MTFR1: variants seen among roughly 807,000 people sequenced by gnomAD.
The protein encoded by MTFR1 is chondrocyte protein with a poly-proline region.
In MTFR1, 28 loss-of-function variants were observed where a neutral mutation model predicts 38.8. That is an observed-to-expected ratio of 0.72 (90% CI 0.53 to 0.99). The LOEUF is 0.99. MTFR1 is among the 50% of genes least tolerant of loss of function. The probability of loss-of-function intolerance (pLI) is 0.00; values close to 1 mark genes in which losing one functional copy is unlikely to be tolerated. For missense variants in MTFR1, 358 were observed against 395.5 expected (o/e 0.91, Z 0.81); for synonymous variants, 145 against 137.0 (o/e 1.06, Z -0.41).
chr8:65,746,807 G>C (rs1807696318), intron 3 of MTFR1, among the ~76,000 whole-genome samples: 1 of 152,096 alleles, frequency 6.6e-6, no homozygotes, highest in South Asian at 2.1e-4. Context: ...GCTTTCCACT[G>C]ATTTCTTTTA....
chr8:65,660,316 A>AAC (rs1809377056), intron 1 of MTFR1, among the ~76,000 whole-genome samples: 1 of 151,368 alleles, frequency 6.6e-6, no homozygotes, highest in East Asian at 1.9e-4. Context: ...AAAAGACAAA[A>AAC]AAAAAACCCA....
intron 3 of MTFR1, chr8:65,723,481 C>A: frequency 2.3e-6 from 3 of 1,321,868 alleles, no homozygotes; most frequent in East Asian, 2.8e-5. Flanking sequence ...AATATATTTC[C>A]CTTCTTGATA....
rs776822196 is a variant in MTFR1 at position 65,693,682 on chromosome 8, A to C, written c.204A>C (p.Pro68=). The C allele has an allele frequency of 6.2e-7, 1 of 1,614,172 alleles. No homozygotes were observed. ...CAACAGAATGGAGTCCCAGCCACCCAGGAGAGGATGCAGTGGCGTCTTTTG... is the reference window on the plus strand; with the variant it reads ...CAACAGAATGGAGTCCCAGCCACCCCGGAGAGGATGCAGTGGCGTCTTTTG... ...SHATEWSPSH[P]GEDAVASFAD... is the part of the protein sequence containing the mutation. Residue 68 remains proline (P), a synonymous_variant, in exon 4 of 8, where the codon CCA becomes CCC. Transcript: ENST00000262146.
At chr8:65,694,354 C>T (rs1327939941) in intron 4 of MTFR1, among the ~76,000 whole-genome samples, 2 of 152,030 alleles carry the variant, frequency 1.3e-5, no homozygotes, top group Non-Finnish European at 2.9e-5. Flanking sequence ...GGATTACAGA[C>T]GTGAGCCACC....
intron 2 of MTFR1, among the ~76,000 whole-genome samples, chr8:65,677,260 G>T (rs1057503134): frequency 4.0e-5 from 6 of 151,314 alleles, no homozygotes; most frequent in African/African-American, 1.5e-4. Context: ...AGTAGAGACG[G>T]GGTTTCGCCA....
intron 4 of MTFR1, among the ~76,000 whole-genome samples, chr8:65,701,912 A>G (rs1465364831): frequency 2.6e-5 from 4 of 152,246 alleles, no homozygotes; most frequent in Non-Finnish European, 5.9e-5. Flanking sequence ...CTCACAGCAC[A>G]TCAATCTGCA....
At chr8:65,648,831 A>AT (rs565872986) in intron 1 of MTFR1, among the ~76,000 whole-genome samples, 8 of 151,262 alleles carry the variant, frequency 5.3e-5, no homozygotes, top group South Asian at 4.2e-4. Context: ...AACATTTAAG[A>AT]TTTTTTTTTA....
At chr8:65,756,259 G>A (rs1808236151) in intron 3 of MTFR1, among the ~76,000 whole-genome samples, 1 of 152,134 alleles carries the variant, frequency 6.6e-6, no homozygotes, top group African/African-American at 2.4e-5. Flanking sequence ...AGTTTGTCCT[G>A]ATTGGAATTT....
At chr8:65,764,878 A>G (rs1808691531) in intron 3 of MTFR1, among the ~76,000 whole-genome samples, 1 of 152,246 alleles carries the variant, frequency 6.6e-6, no homozygotes, top group Admixed American at 6.5e-5. Flanking sequence ...AGACAATATG[A>G]GACACATGAT....
At chr8:65,657,924 A>T (rs1368410531) in intron 1 of MTFR1, among the ~76,000 whole-genome samples, 2 of 152,200 alleles carry the variant, frequency 1.3e-5, no homozygotes, top group African/African-American at 4.8e-5. Flanking sequence ...TGTTGGCAAC[A>T]TTCAGTATCA....
intron 3 of MTFR1, chr8:65,682,789 G>T: frequency 2.0e-6 from 2 of 985,130 alleles, no homozygotes; most frequent in Non-Finnish European, 2.4e-6. Context: ...TTTTTCTTCT[G>T]TAATTATACC....
chr8:65,751,221 C>T, intron 3 of MTFR1, among the ~76,000 whole-genome samples: 1 of 152,206 alleles, frequency 6.6e-6, no homozygotes, highest in South Asian at 2.1e-4. Flanking sequence ...GAGATGCCAA[C>T]TAAAACTACC....
chr8:65,692,253 C>T (rs770758900), intron 3 of MTFR1, among the ~76,000 whole-genome samples: 1 of 152,178 alleles, frequency 6.6e-6, no homozygotes, highest in Admixed American at 6.6e-5. Flanking sequence ...CTTTTTGACT[C>T]AGGCATTATT....
At chr8:65,668,399 G>T (rs949661795) in intron 1 of MTFR1, among the ~76,000 whole-genome samples, 8 of 149,590 alleles carry the variant, frequency 5.3e-5, no homozygotes, top group Middle Eastern at 6.9e-3. Flanking sequence ...TGTTGGCCAG[G>T]TTGGTCTCAA....
At chr8:65,690,156 T>C (rs986998407) in intron 3 of MTFR1, among the ~76,000 whole-genome samples, 5 of 152,184 alleles carry the variant, frequency 3.3e-5, no homozygotes, top group African/African-American at 1.2e-4. Context: ...AGATGTAAAA[T>C]TGAGAAATGT....
intron 1 of MTFR1, among the ~76,000 whole-genome samples, chr8:65,659,144 T>C (rs1033294081): frequency 2.0e-5 from 3 of 152,200 alleles, no homozygotes; most frequent in Admixed American, 2.0e-4. Flanking sequence ...CCACCGTCTA[T>C]GTCACCTCCC....
chr8:65,711,021 A>AGAC (rs1437642433), downstream of MTFR1, among the ~76,000 whole-genome samples: 2 of 152,144 alleles, frequency 1.3e-5, no homozygotes, highest in African/African-American at 4.8e-5. Context: ...AGAGAATACA[A>AGAC]GACAGAATGG....
chr8:65,734,401 G>A (rs1807034636), intron 3 of MTFR1, among the ~76,000 whole-genome samples: 1 of 152,170 alleles, frequency 6.6e-6, no homozygotes. Flanking sequence ...TTTTGGTCTT[G>A]ATACGATTTA....
At chr8:65,660,504 CAAAG>C (rs529174300) in intron 1 of MTFR1, among the ~76,000 whole-genome samples, 61 of 152,134 alleles carry the variant, frequency 4.0e-4, no homozygotes, top group African/African-American at 1.3e-3. Flanking sequence ...AAATAAAAGA[CAAAG>C]AGAGAGCAAA....
Sources: gnomAD v4.1 joint callset for allele counts (sites outside exome capture counted in the v4.1 genomes callset) on GRCh38, gnomAD v4.1.1 for gene constraint, MANE v1.5 for transcripts, NCBI Gene and HGNC (gene_info 2026-07-23, HGNC 2026-07-21) for gene names.